The following ASH1L variants were observed in gnomAD, a reference collection of about 807,000 sequenced individuals.
The protein encoded by ASH1L is ASH1 like histone lysine methyltransferase, also known as histone-lysine N-methyltransferase ASH1L.
A neutral mutation model predicts 269.0 loss-of-function variants in ASH1L; 23 were observed. That is an observed-to-expected ratio of 0.09 (90% confidence interval 0.06 to 0.12). The LOEUF (loss-of-function observed/expected upper bound fraction) is 0.12. Ranked by LOEUF, ASH1L falls within the 10% of genes least tolerant of loss-of-function variation. ASH1L has a pLI of 1.00. For synonymous variants in ASH1L, 1,187 were observed against 1,253.5 expected, an observed-to-expected ratio of 0.95 and a Z score of 1.12; for missense variants, 2,912 against 3,567.8, an observed-to-expected ratio of 0.82 and a Z score of 4.68.
chr1:155,562,551 C>T lies in ASH1L; in HGVS notation c.-498G>A, dbSNP rs1388751240. On this transcript the variant is annotated 5_prime_UTR_variant, in exon 1 of 28. Coordinates refer to ENST00000392403, the MANE Select transcript of ASH1L (RefSeq NM_018489.3). ...CCACTCCTTCCTCCTTGCGTTCTTT[C>T]CCACCGTCCCCCGCTCCGCCCGACT... 2.0e-6 allele frequency: 3 copies of T among 1,528,270 alleles called. No individual in the cohort carries two copies. The highest frequency in any genetic ancestry group is 2.6e-6 in the Non-Finnish European group (3 of 1,139,246). 94.7% of individuals were successfully genotyped at this position (1,528,270 alleles called of 1,614,324 possible).
intron 7 of ASH1L, among the ~76,000 whole-genome samples, chr1:155,392,202 T>C (rs904974997): frequency 5.3e-5 from 8 of 152,134 alleles, no homozygotes; most frequent in Non-Finnish European, 4.4e-5. Context: ...TATGCAAAAT[T>C]TGCAGTTTCC....
In ASH1L at chr1:155,378,028, A is replaced by AAAAAC. The variant is rs1169979573; in HGVS notation, c.6332+248_6332+252dup. Among the ~76,000 whole-genome samples the AAAAAC allele has an allele frequency of 2.0e-5, 3 of 151,958 alleles. No individual in the cohort carries two copies. In the South Asian group the frequency reaches 6.2e-4, roughly 32 times the overall value. On this transcript the variant is annotated intron_variant, in intron 10 of 27. Coordinates refer to ENST00000392403, the MANE Select transcript of ASH1L (RefSeq NM_018489.3). ...ACAGAGGGAGACTCCGTCTCAAAAA[A>AAAAAC]AAAACAAAACAAAACAAAACAAAAA...
In ASH1L at chr1:155,481,527, T is replaced by A. The variant is rs1665962082; in HGVS notation, c.1343A>T (p.Glu448Val). ...ASCSTNINNQESQELSESLKD... is the reference protein window; with the variant it reads ...ASCSTNINNQVSQELSESLKD... The stretch of plus-strand genomic sequence containing the variant: ...CAGGGATTCAGAAAGTTCCTGACTT[T>A]CCTGATTATTGATGTTTGTACTACA... Residue 448 changes from glutamate (E) to valine (V), a missense_variant, in exon 3 of 28, where the codon GAA (glutamate) becomes GTA (valine). Glu to Val is a moderately radical substitution (Grantham distance 121). Coordinates refer to ENST00000392403, the MANE Select transcript of ASH1L (RefSeq NM_018489.3). 1 of 1,614,058 alleles carries A rather than the reference T, an allele frequency of 6.2e-7. No individual in the cohort carries two copies. The highest frequency in any genetic ancestry group is 1.3e-5 in the African/African-American group (1 of 74,926).
chr1:155,371,587 C>A (rs1312008488), intron 10 of ASH1L, among the ~76,000 whole-genome samples: 1 of 151,660 alleles, frequency 6.6e-6, no homozygotes, highest in Non-Finnish European at 1.5e-5. Context: ...TAACTGTGAT[C>A]CAAAGAAGAA....
Position 155,438,731 on chromosome 1 carries a change from C to T in ASH1L, c.5424G>A (p.Arg1808=), listed in dbSNP as rs1239312850. The change falls in exon 5 of 28, where the codon CGG becomes CGA. Residue 1808 remains arginine, a synonymous_variant. Transcript: ENST00000392403. The stretch of plus-strand genomic sequence containing the variant: ...AGATTTTGTCGTAATTGCACATTTT[C>T]CGAGCTTGGCGTTGCATAGCTTCCA... ...SVVEAMQRQA[R]KMCNYDKILA... The T allele has an allele frequency of 6.2e-7, 1 of 1,614,020 alleles. No homozygotes were observed. The highest frequency in any genetic ancestry group is 8.5e-7 in the Non-Finnish European group (1 of 1,180,012).
At chr1:155,484,002 A>G (rs1323576206) in intron 2 of ASH1L, among the ~76,000 whole-genome samples, 1 of 152,180 alleles carries the variant, frequency 6.6e-6, no homozygotes, top group Non-Finnish European at 1.5e-5. Flanking sequence ...ATGAATATAT[A>G]TATGCCTACC....
Position 155,341,366 on chromosome 1 carries a change from G to T in ASH1L, c.8460+570C>A, listed in dbSNP as rs371770344. 1.6e-4 allele frequency among the ~76,000 whole-genome samples: 24 copies of T among 151,548 alleles called. No individual in the cohort carries two copies. In the East Asian group the frequency reaches 2.1e-3, roughly 14 times the overall value. ...TAATTTGTTGTATTTTTAGTAGAGA[G>T]GGGGTTTCACCGTGTTAGCCAGGAT... On this transcript the variant is annotated intron_variant, in intron 25 of 27. Transcript: ENST00000392403.
At position 155,479,078 on chromosome 1, in the gene ASH1L, C is replaced by T. The variant is rs758792514; in HGVS notation, c.3792G>A (p.Lys1264=). 7 of 1,613,920 alleles carry T rather than the reference C, an allele frequency of 4.3e-6. No individual in the cohort carries two copies. Among genetic ancestry groups the T allele is most frequent in the Middle Eastern group, 1.6e-4 (1 of 6,084 alleles). Residue 1264 remains lysine, a synonymous_variant, in exon 3 of 28, where the codon AAG becomes AAA. Transcript: ENST00000392403. Reference sequence around the variant, plus strand: ...TCCGTTTTCGTTTCTGCCTTTTCATCTTGTCATAGCTGAGGTAATCATGAT... The same window carrying T: ...TCCGTTTTCGTTTCTGCCTTTTCATTTTGTCATAGCTGAGGTAATCATGAT... The part of the protein sequence containing the change: ...RRNHDYLSYD[K]MKRQKRKRKK...
chr1:155,517,311 T>C (rs558720542), intron 2 of ASH1L, among the ~76,000 whole-genome samples: 5 of 152,092 alleles, frequency 3.3e-5, no homozygotes, highest in Non-Finnish European at 7.4e-5. Context: ...GTAGCCTGGA[T>C]GACGGAGCAA....
At chr1:155,537,353 A>G (rs1227607597) in intron 1 of ASH1L, among the ~76,000 whole-genome samples, 1 of 152,156 alleles carries the variant, frequency 6.6e-6, no homozygotes, top group African/African-American at 2.4e-5. Context: ...ACATTTATCT[A>G]TCTTAGTCCT....
chr1:155,480,967 C>A lies in ASH1L; in HGVS notation c.1903G>T (p.Asp635Tyr), dbSNP rs1665914651. 1.9e-6 allele frequency: 3 copies of A among 1,613,998 alleles called. No homozygotes were observed. The highest frequency in any genetic ancestry group is 1.1e-5 in the South Asian group (1 of 91,040). The change falls in exon 3 of 28, where the codon GAT becomes TAT. Residue 635 changes from aspartate (D) to tyrosine (Y), a missense_variant. Physicochemically the swap from Asp to Tyr is radical, Grantham distance 160 (BLOSUM62 -3). Coordinates refer to ENST00000392403, the MANE Select transcript of ASH1L (RefSeq NM_018489.3). Reference sequence around the variant, plus strand: ...ATATCTATATGGGTAGTTTTTGAATCATTTACCTCTTTATCAATCCCTTTA... The same window carrying A: ...ATATCTATATGGGTAGTTTTTGAATAATTTACCTCTTTATCAATCCCTTTA... ...ECKGIDKEVNDSKTTHIDIPR... is the reference protein window; with the variant it reads ...ECKGIDKEVNYSKTTHIDIPR...
At chr1:155,448,793 C>T (rs1446470490) in intron 4 of ASH1L, among the ~76,000 whole-genome samples, 4 of 152,052 alleles carry the variant, frequency 2.6e-5, no homozygotes, top group African/African-American at 9.7e-5. Flanking sequence ...CTGCGCCCAG[C>T]CCACTATCTT....
In ASH1L at chr1:155,562,431, GGCGGCGGCGGCGGCAGCAGCAGA is replaced by G. The variant is rs1417446988; in HGVS notation, c.-401_-379del. On this transcript the variant is annotated 5_prime_UTR_variant, in exon 1 of 28. Coordinates refer to ENST00000392403, the MANE Select transcript of ASH1L (RefSeq NM_018489.3). ...AACCCAAAATGGCGGCGGGAGCGGC[GGCGGCGGCGGCGGCAGCAGCAGA>G]GTGGCGGCGGTGGCGGCGGCAGCTC... 3.4e-6 allele frequency: 5 copies of G among 1,463,846 alleles called. No individual in the cohort carries two copies. Among genetic ancestry groups the G allele is most frequent in the Non-Finnish European group, 4.6e-6 (5 of 1,079,374 alleles). The allele number at this position is 1,463,846 out of a possible 1,614,324, so 90.7% of individuals were successfully genotyped here. A position where few individuals can be genotyped will look rare whatever the true frequency, so the allele number is the denominator to read the frequency against.
intron 4 of ASH1L, among the ~76,000 whole-genome samples, chr1:155,455,158 C>A (rs1663785027): frequency 1.3e-5 from 2 of 151,940 alleles, no homozygotes; most frequent in African/African-American, 4.8e-5. Context: ...TTAAAAGCTA[C>A]AAATATTTAA....
At chr1:155,443,839 A>G (rs1231434107) in intron 4 of ASH1L, among the ~76,000 whole-genome samples, 1 of 152,100 alleles carries the variant, frequency 6.6e-6, no homozygotes, top group African/African-American at 2.4e-5. Context: ...ATTTCTTTAC[A>G]TATTCACCTG....
At position 155,378,562 on chromosome 1, in the gene ASH1L, A is replaced by C. The variant is rs1656665335; in HGVS notation, c.6178-14T>G. 1.2e-6 allele frequency: 2 copies of C among 1,602,912 alleles called. No homozygotes were observed. Among genetic ancestry groups the C allele is most frequent in the African/African-American group, 1.3e-5 (1 of 74,382 alleles). ...CTTTTTGTATAGCTAGAAGAAAAGAAGAAAAATCTTGATATAGCATTTAAC... is the reference window on the plus strand; with the variant it reads ...CTTTTTGTATAGCTAGAAGAAAAGACGAAAAATCTTGATATAGCATTTAAC... On this transcript the variant is annotated splice_polypyrimidine_tract_variant and intron_variant, in intron 8 of 27. Coordinates refer to ENST00000392403, the MANE Select transcript of ASH1L (RefSeq NM_018489.3).
chr1:155,450,281 G>A lies in ASH1L; in HGVS notation c.5086+9516C>T, dbSNP rs147234986. Among the ~76,000 whole-genome samples, 81 of 152,278 alleles carry A rather than the reference G, an allele frequency of 5.3e-4. No individual in the cohort carries two copies. The East Asian group carries it at 0.013, about 24-fold the overall frequency. ...GTCCTTTAATATGTCTATGTATGCT[G>A]TCAGTGTGTTTATCCTACGTGGGAT... On this transcript the variant is annotated intron_variant, in intron 4 of 27. Transcript: ENST00000392403.
At chr1:155,469,102 A>G (rs917523105) in intron 3 of ASH1L, among the ~76,000 whole-genome samples, 1 of 152,146 alleles carries the variant, frequency 6.6e-6, no homozygotes, top group Admixed American at 6.6e-5. Context: ...ACACAAGACA[A>G]ACTAACCGCC....
At chr1:155,382,844 A>G (rs962555427) in intron 7 of ASH1L, among the ~76,000 whole-genome samples, 2 of 151,760 alleles carry the variant, frequency 1.3e-5, no homozygotes, top group East Asian at 1.9e-4. Flanking sequence ...TCTCACTTCT[A>G]CCTGCCAAGT....
Sources: allele counts gnomAD v4.1 joint callset (sites outside exome capture counted in the v4.1 genomes callset), GRCh38; gene constraint gnomAD v4.1.1; transcripts MANE v1.5; gene names NCBI Gene and HGNC (gene_info 2026-07-23, HGNC 2026-07-21).